Variants in DOCK9 observed in about 807,000 individuals in gnomAD.
DOCK9 encodes dedicator of cytokinesis 9.
DOCK9 carries 89 observed loss-of-function variants against 263.3 expected under a neutral mutation model. That is an observed-to-expected ratio of 0.34 (90% CI 0.28 to 0.40). The LOEUF (loss-of-function observed/expected upper bound fraction) is 0.40, where lower values mean the gene tolerates loss of function less well. Ranked by LOEUF, DOCK9 falls within the 10% of genes least tolerant of loss-of-function variation. DOCK9 has a pLI of 1.00. For missense variants in DOCK9, 2,140 were observed against 2,603.4 expected, an observed-to-expected ratio of 0.82 and a Z score of 3.87; for synonymous variants, 976 against 973.1, an observed-to-expected ratio of 1.00 and a Z score of -0.06.
intron 1 of DOCK9, among the ~76,000 whole-genome samples, chr13:99,081,837 A>C (rs1219603657): frequency 6.6e-6 from 1 of 152,250 alleles, no homozygotes; most frequent in Non-Finnish European, 1.5e-5. Context: ...TAAATTATGG[A>C]AAGCTAATTC....
chr13:98,996,447 C>T lies in DOCK9; in HGVS notation c.130-40896G>A, dbSNP rs730369. On this transcript the variant is annotated intron_variant, in intron 1 of 32. Transcript: ENST00000427887. ...ATCAATACTAATATTATATAACTAA[C>T]TCTTCACAAATGTATATTTCACATT... 6.7e-3 allele frequency among the ~76,000 whole-genome samples: 1,013 copies of T among 152,324 alleles called. 34 individuals are homozygous for T. The highest frequency in any genetic ancestry group is 0.062 in the East Asian group (323 of 5,184).
chr13:98,938,994 G>A (rs1412694283), intron 2 of DOCK9, among the ~76,000 whole-genome samples: 1 of 152,228 alleles, frequency 6.6e-6, no homozygotes, highest in Non-Finnish European at 1.5e-5. Context: ...AGAGCTGGGA[G>A]TGTCCTCCCT....
intron 26 of DOCK9, among the ~76,000 whole-genome samples, chr13:98,880,218 C>T (rs1309615524): frequency 2.0e-5 from 3 of 152,032 alleles, no homozygotes; most frequent in African/African-American, 4.8e-5. Context: ...ACAACCAGCA[C>T]GAGGCTCTGT....
intron 1 of DOCK9, among the ~76,000 whole-genome samples, chr13:99,073,797 A>T (rs185891027): frequency 7.2e-5 from 11 of 152,326 alleles, no homozygotes; most frequent in Admixed American, 6.5e-4. Context: ...GTTCGGGCAG[A>T]TATCCTTTCT....
intron 1 of DOCK9, among the ~76,000 whole-genome samples, chr13:99,070,146 ATG>A (rs34552009): frequency 0.15 from 22,565 of 152,210 alleles, 2,393 homozygotes; most frequent in East Asian, 0.43. Flanking sequence ...TCCAACATGC[ATG>A]TGTGTGCCCT....
chr13:98,855,616 G>A (rs1463045616), intron 34 of DOCK9, among the ~76,000 whole-genome samples: 3 of 151,922 alleles, frequency 2.0e-5, no homozygotes, highest in African/African-American at 7.3e-5. Flanking sequence ...AATTGAGATG[G>A]GCAGCATTTT....
chr13:98,845,986 C>T lies in DOCK9; in HGVS notation c.4136G>A (p.Gly1379Glu). 6.2e-7 allele frequency: 1 copy of T among 1,612,340 alleles called. No individual in the cohort carries two copies. Among genetic ancestry groups the T allele is most frequent in the Non-Finnish European group, 8.5e-7 (1 of 1,179,222 alleles). Reference protein sequence around the residue: ...QTLPVSRNRTGMMHARLQQLG... With the variant: ...QTLPVSRNRTEMMHARLQQLG... ...CTGCTGCAATCTGGCATGCATCATT[C>T]CTGTTCTGTTACGGGAAACAGGCAA... is the stretch of plus-strand genomic sequence containing the variant. The change falls in exon 38 of 53, where the codon GGA (glycine) becomes GAA (glutamate). Residue 1379 changes from glycine to glutamate, a missense_variant. Physicochemically the swap from Gly to Glu is moderately conservative, Grantham distance 98. Coordinates refer to ENST00000682017, the MANE Select transcript of DOCK9 (RefSeq NM_001366683.2).
rs199960515 is a variant in DOCK9, at chr13:98,838,559, A to C, written c.4199-950T>G. ...TCTGTCATTTAAACTTAGCTTAGTCACACCTAATTTAAATACAAACGGATA... is the reference window on the plus strand; with the variant it reads ...TCTGTCATTTAAACTTAGCTTAGTCCCACCTAATTTAAATACAAACGGATA... On this transcript the variant is annotated intron_variant, in intron 38 of 52. Transcript: ENST00000682017. 4.6e-5 allele frequency among the ~76,000 whole-genome samples: 7 copies of C among 152,360 alleles called. No individual in the cohort carries two copies. The East Asian group carries it at 1.3e-3, about 29-fold the overall frequency.
Position 98,831,761 on chromosome 13 carries a change from T to C in DOCK9, c.4340A>G (p.His1447Arg), listed in dbSNP as rs1321515976. The C allele has an allele frequency of 1.9e-6, 3 of 1,614,038 alleles. No homozygotes were observed. The highest frequency in any genetic ancestry group is 1.1e-5 in the South Asian group (1 of 91,080). ...AAAAACTTTTTTCATGAGAGGATTA[T>C]GTCCATGGTCGGCCAGGAGCTGGTT... is the stretch of plus-strand genomic sequence containing the variant. ...FKNQLLADHG[H>R]NPLMKKVFDV... Residue 1447 changes from histidine to arginine, a missense_variant, in exon 40 of 53, where the codon CAT (histidine) becomes CGT (arginine). This residue lies in a region of DOCK9 where 619 missense variants were observed against 861.8 expected (regional missense o/e 0.72). Transcript: ENST00000682017.
At chr13:98,806,791 C>A (rs932146952) in intron 48 of DOCK9, among the ~76,000 whole-genome samples, 25 of 151,920 alleles carry the variant, frequency 1.6e-4, no homozygotes, top group Non-Finnish European at 3.2e-4. Context: ...TTCCTGTAAT[C>A]CCAGCTACTC....
upstream of DOCK9, among the ~76,000 whole-genome samples, chr13:99,087,227 C>G (rs1351587290): frequency 1.3e-5 from 2 of 152,214 alleles, no homozygotes; most frequent in Non-Finnish European, 2.9e-5. Context: ...ACCGTTCAGT[C>G]CCCGGAGGCA....
intron 4 of DOCK9, among the ~76,000 whole-genome samples, chr13:98,924,504 G>A (rs2052602317): frequency 6.6e-6 from 1 of 152,174 alleles, no homozygotes; most frequent in African/African-American, 2.4e-5. Flanking sequence ...CAACTGCTAT[G>A]GTTTGGATAT....
chr13:98,876,003 A>C (rs1310517629), intron 27 of DOCK9, among the ~76,000 whole-genome samples: 1 of 152,194 alleles, frequency 6.6e-6, no homozygotes, highest in African/African-American at 2.4e-5. Context: ...ATATGCATTG[A>C]ATGGACTCAC....
At chr13:98,838,297 G>A (rs1175711027) in intron 38 of DOCK9, among the ~76,000 whole-genome samples, 6 of 152,194 alleles carry the variant, frequency 3.9e-5, no homozygotes, top group South Asian at 2.1e-4. Context: ...ACCTCAAAGG[G>A]TTGTGGTAAG....
intron 36 of DOCK9, among the ~76,000 whole-genome samples, chr13:98,849,096 A>G (rs184665454): frequency 5.3e-5 from 8 of 151,740 alleles, no homozygotes; most frequent in Non-Finnish European, 8.8e-5. Context: ...GTTTTTAAAA[A>G]TATATATCTA....
Position 98,796,994 on chromosome 13 carries a change from G to A in DOCK9, c.6156+121C>T, listed in dbSNP as rs1335923797. The A allele has an allele frequency of 1.2e-4, 128 of 1,046,504 alleles. 1 individual carries two copies. The highest frequency in any genetic ancestry group is 1.7e-4 in the Non-Finnish European group (121 of 700,478). The allele number at this position is 1,046,504 out of a possible 1,614,324, so 64.8% of individuals were successfully genotyped here. ...CTAGAGCATGGCAGGAGTGTGGTAT[G>A]CTACATTCTCCTTCAGATGTCACAG... On this transcript the variant is annotated intron_variant, in intron 52 of 52. Coordinates refer to ENST00000682017, the MANE Select transcript of DOCK9 (RefSeq NM_001366683.2).
At chr13:99,038,287 C>CCCG (rs144266628) in intron 1 of DOCK9, among the ~76,000 whole-genome samples, 73 of 48,820 alleles carry the variant, frequency 1.5e-3, no homozygotes, top group East Asian at 3.6e-3. Flanking sequence ...TTTATGCCCC[C>CCCG]CTTTTTTTTT....
intron 1 of DOCK9, among the ~76,000 whole-genome samples, chr13:98,999,181 T>C (rs1280503009): frequency 1.3e-5 from 2 of 152,096 alleles, no homozygotes; most frequent in African/African-American, 2.4e-5. Context: ...CCTTGAATAG[T>C]CTTTCCAACT....
At chr13:98,851,804 A>G (rs879557568) in intron 35 of DOCK9, among the ~76,000 whole-genome samples, 4 of 152,190 alleles carry the variant, frequency 2.6e-5, no homozygotes, top group Non-Finnish European at 4.4e-5. Context: ...CAATGTGAAA[A>G]TTTAAATAAC....
Sources: allele counts gnomAD v4.1 joint callset (sites outside exome capture counted in the v4.1 genomes callset), GRCh38; gene constraint gnomAD v4.1.1; regional missense constraint gnomAD v4.1.1; transcripts MANE v1.5; gene names NCBI Gene and HGNC (gene_info 2026-07-23, HGNC 2026-07-21).